The following PGAP6 variants were observed in gnomAD, a reference collection of about 807,000 sequenced individuals.
PGAP6 encodes the protein post-GPI attachment to proteins 6.
Under a neutral mutation model 68.4 loss-of-function variants are expected in PGAP6, and 62 were observed. The observed-to-expected ratio is 0.91, with a 90% CI of 0.74 to 1.12. The LOEUF is 1.12. Ranked by LOEUF, PGAP6 falls within the 50% of genes most tolerant of loss-of-function variation. The pLI is 0.00. For missense variants in PGAP6, 1,188 were observed against 1,068.5 expected, an observed-to-expected ratio of 1.11 and a Z score of -1.56; for synonymous variants, 575 against 474.0, an observed-to-expected ratio of 1.21 and a Z score of -2.77.
chr16:375,960 C>T (rs1410044651), intron 6 of PGAP6, among the ~76,000 whole-genome samples, 176 bp downstream of exon 6: 2 of 152,120 alleles, frequency 1.3e-5, no homozygotes, highest in African/African-American at 2.4e-5. Context: ...GGCCTGTTGA[C>T]AGGAACAAGG....
rs569048601 is a variant in PGAP6 at position 372,817 on chromosome 16, C to G, written c.1903-90G>C. On this transcript the variant is annotated intron_variant, in intron 11 of 12. Transcript: ENST00000431232. ...CGTACCCCACGGCCCCACAGCACCT[C>G]TGCCTGCCCCCTCGGAGCTGCTGCC... 7 of 896,702 alleles carry G rather than the reference C, an allele frequency of 7.8e-6. 1 individual carries two copies. The South Asian group carries it at 9.5e-5, about 12-fold the overall frequency. The allele number at this position is 896,702 out of a possible 1,614,324, so 55.5% of individuals were successfully genotyped here.
chr16:372,108 C>T lies in PGAP6; in HGVS notation c.2195G>A (p.Ser732Asn). The change falls in exon 13 of 13, where the codon AGC (serine) becomes AAC (asparagine). Residue 732 changes from serine (S) to asparagine (N), a missense_variant. Transcript: ENST00000431232. ...AGGTGGCGGCAGCAGCAAGGCTGCG[C>T]TCCCGGCCAGCAGGATGTGCCAGAT... ...HSIWHILLAG[S>N]AALLLPPPDQ... 7 of 1,612,734 alleles carry T rather than the reference C, an allele frequency of 4.3e-6. No homozygotes were observed. The highest frequency in any genetic ancestry group is 5.9e-6 in the Non-Finnish European group (7 of 1,179,956).
At chr16:373,559 C>T (rs1429212302) in intron 11 of PGAP6, among the ~76,000 whole-genome samples, 1 of 152,024 alleles carries the variant, frequency 6.6e-6, no homozygotes, top group Non-Finnish European at 1.5e-5. Context: ...CATGAGGTTT[C>T]TTTTCTTTTC....
Position 377,572 on chromosome 16 carries a change from C to T in PGAP6, c.313G>A (p.Gly105Ser), listed in dbSNP as rs763185683. The T allele has an allele frequency of 5.1e-6, 8 of 1,577,856 alleles. No individual in the cohort carries two copies. In the East Asian group the frequency reaches 9.3e-5, roughly 18 times the overall value. The change falls in exon 3 of 13, where the codon GGC becomes AGC. Residue 105 changes from glycine (G) to serine (S), a missense_variant. Coordinates refer to ENST00000431232, the MANE Select transcript of PGAP6 (RefSeq NM_021259.3). ...DAEITVHFRS[G>S]APPVINPLGT... ...AGCGGGTTGATGACCGGAGGGGCGC[C>T]GGAACGGAAGTGCCTGGAGACGGGA...
At chr16:376,982 A>C (rs1448786167) in intron 4 of PGAP6, 55 bp downstream of exon 4, 1 of 1,605,334 alleles carries the variant, frequency 6.2e-7, no homozygotes, top group Non-Finnish European at 8.5e-7. Flanking sequence ...CACTCCACCG[A>C]ATCTGAGAAG....
chr16:381,619 AGGTGCGCCC>A, intron 1 of PGAP6, 73 bp downstream of exon 1: 1 of 1,068,802 alleles, frequency 9.4e-7, no homozygotes, highest in East Asian at 4.3e-5. Context: ...ATGAGCGCAC[AGGTGCGCCC>A]GGGGTGTCAC....
chr16:382,116 GCGGGGGACGGACCGGGGCGCGCGCGGTC>G (rs2054448830), upstream of PGAP6: 1 of 364,016 alleles, frequency 2.7e-6, no homozygotes, highest in African/African-American at 2.2e-5. Flanking sequence ...CGTGGGGCGC[GCGGGGGACGGACCGGGGCGCGCGCGGTC>G]CGGGGGGACG....
In PGAP6 at chr16:374,283, A is replaced by T. The variant is rs747957561; in HGVS notation, c.1693T>A (p.Ser565Thr). Residue 565 changes from serine (S) to threonine (T), a missense_variant, in exon 10 of 13, where the codon TCA (serine) becomes ACA (threonine). Physicochemically the swap from Ser to Thr is moderately conservative, Grantham distance 58. Coordinates refer to ENST00000431232, the MANE Select transcript of PGAP6 (RefSeq NM_021259.3). ...TCCACCAGGAAGAATCGCCGCACTG[A>T]GACGGCGATGGGGGCCAGGAACATG... is the stretch of plus-strand genomic sequence containing the variant. Reference protein sequence around the residue: ...NLMFLAPIAVSVRRFFLVEAS... With the variant: ...NLMFLAPIAVTVRRFFLVEAS... 10 of 1,607,118 alleles carry T rather than the reference A, an allele frequency of 6.2e-6. No individual in the cohort carries two copies. The highest frequency in any genetic ancestry group is 7.6e-6 in the Non-Finnish European group (9 of 1,179,648).
chr16:383,843 GGGTTTAC>G (rs3041097), upstream of PGAP6, among the ~76,000 whole-genome samples: 48,928 of 151,740 alleles, frequency 0.32, 8,148 homozygotes, highest in Non-Finnish European at 0.37. Flanking sequence ...CGGGTGGTGA[GGGTTTAC>G]GGAGCGGGGG....
chr16:386,885 C>T (rs1339554072), upstream of PGAP6: 1 of 633,686 alleles, frequency 1.6e-6, no homozygotes, highest in Admixed American at 1.8e-5. Context: ...AGAAGACCCG[C>T]ACGTCACTCA....
chr16:375,203 G>A lies in PGAP6; in HGVS notation c.1369C>T (p.Leu457Phe), dbSNP rs543751436. 3.1e-6 allele frequency: 5 copies of A among 1,613,322 alleles called. No individual in the cohort carries two copies. The highest frequency in any genetic ancestry group is 2.7e-5 in the African/African-American group (2 of 74,934). Residue 457 changes from leucine to phenylalanine, a missense_variant, in exon 8 of 13, where the codon CTC becomes TTC. Transcript: ENST00000431232. ...SLSAWSRRAN[L>F]IIPYPETDNW... ...TCTGTCTCTGGGTAGGGGATGATGA[G>A]GTTGGCCCTGCGAGACCAGGCGCTC...
upstream of PGAP6, chr16:384,514 C>T (rs1390065438): frequency 6.6e-6 from 1 of 152,294 alleles, no homozygotes; most frequent in African/African-American, 2.4e-5. Flanking sequence ...TGCTGGCAGG[C>T]ATGTGAACCC....
chr16:371,730 CAA>C lies in PGAP6; in HGVS notation c.*255_*256del. 2.0e-6 allele frequency: 1 copy of C among 497,738 alleles called. No individual in the cohort carries two copies. Among genetic ancestry groups the C allele is most frequent in the South Asian group, 2.1e-5 (1 of 46,520 alleles). The allele number at this position is 497,738 out of a possible 1,614,324, so 30.8% of individuals were successfully genotyped here. Reference sequence around the variant, plus strand: ...CAGGCACCTGTGGTCTCCAAGTAACCAAGCCCAGGCCCCAGGGGCCACTGCAG... The same window carrying C: ...CAGGCACCTGTGGTCTCCAAGTAACCGCCCAGGCCCCAGGGGCCACTGCAG... On this transcript the variant is annotated 3_prime_UTR_variant, in exon 13 of 13. Transcript: ENST00000431232.
At chr16:376,868 C>T (rs1302515950) in intron 4 of PGAP6, 56 bp from the exon 5 acceptor site, 3 of 1,586,446 alleles carry the variant, frequency 1.9e-6, no homozygotes, top group Non-Finnish European at 1.7e-6. Flanking sequence ...CCCAGGGACG[C>T]AGCGTGCCCA....
chr16:372,571 G>A (rs200878430), intron 12 of PGAP6, 40 bp downstream of exon 12: 434 of 1,497,690 alleles, frequency 2.9e-4, no homozygotes, highest in Non-Finnish European at 3.6e-4. Context: ...TCTCTTCTCC[G>A]AGCACCTGGG....
At chr16:377,893 G>C (rs2054401573) in intron 1 of PGAP6, 45 bp from the exon 2 acceptor site, 2 of 1,497,204 alleles carry the variant, frequency 1.3e-6, no homozygotes, top group African/African-American at 1.4e-5. Context: ...CCCTCCTCCA[G>C]GGCCGCAGAT....
upstream of PGAP6, chr16:382,493 A>G (rs1168021262): frequency 2.7e-6 from 1 of 367,396 alleles, no homozygotes; most frequent in Non-Finnish European, 4.8e-6. Flanking sequence ...TGTCAGATCC[A>G]CGCTTTTATG....
intron 11 of PGAP6, 113 bp downstream of exon 11, chr16:373,892 C>T (rs1473753762): frequency 1.5e-6 from 2 of 1,331,694 alleles, no homozygotes; most frequent in Non-Finnish European, 1.0e-6. Flanking sequence ...GTGAGGTTTC[C>T]AGGGGCCGTG....
In PGAP6 at chr16:370,880, C is replaced by G. The variant is rs551424172; in HGVS notation, c.*1107G>C. 1 of 152,400 alleles carries G rather than the reference C, an allele frequency of 6.6e-6. No homozygotes were observed. Among genetic ancestry groups the G allele is most frequent in the Non-Finnish European group, 1.5e-5 (1 of 68,216 alleles). The allele number at this position is 152,400 out of a possible 1,614,324, so 9.4% of individuals were successfully genotyped here. A position where few individuals can be genotyped will look rare whatever the true frequency, so the allele number is the denominator to read the frequency against. ...ATATGTCTTAATATCTTAGAATTTT[C>G]CTTTACTCCAAAAAACCCCATATAT... On this transcript the variant is annotated 3_prime_UTR_variant, in exon 13 of 13. Coordinates refer to ENST00000431232, the MANE Select transcript of PGAP6 (RefSeq NM_021259.3).
Sources: gnomAD v4.1 joint callset for allele counts (sites outside exome capture counted in the v4.1 genomes callset) on GRCh38, gnomAD v4.1.1 for gene constraint, MANE v1.5 for transcripts, NCBI Gene and HGNC (gene_info 2026-07-23, HGNC 2026-07-21) for gene names.